Variants in PRKCA observed in about 807,000 individuals in gnomAD.
The protein encoded by PRKCA is protein kinase C alpha.
Under a neutral mutation model 87.0 loss-of-function variants are expected in PRKCA, and 27 were observed. The observed-to-expected ratio is 0.31, with a 90% CI of 0.23 to 0.43. The LOEUF (loss-of-function observed/expected upper bound fraction) is 0.43. Among genes scored for constraint, PRKCA ranks in the 20% least tolerant of loss-of-function variants. The pLI is 1.00. For missense variants in PRKCA, 518 were observed against 852.3 expected (o/e 0.61, Z 4.88); for synonymous variants, 329 against 311.1 (o/e 1.06, Z -0.61).
At chr17:66,426,766 C>T (rs1448933838) in intron 2 of PRKCA, among the ~76,000 whole-genome samples, 1 of 152,080 alleles carries the variant, frequency 6.6e-6, no homozygotes, top group African/African-American at 2.4e-5. Context: ...GTTTCTTTAC[C>T]CTAAAAAGGG....
chr17:66,408,869 C>G (rs960552229), intron 2 of PRKCA, among the ~76,000 whole-genome samples: 1 of 151,578 alleles, frequency 6.6e-6, no homozygotes, highest in South Asian at 2.1e-4. Flanking sequence ...CTGGCCAACA[C>G]GATGAAACCC....
intron 2 of PRKCA, among the ~76,000 whole-genome samples, chr17:66,402,698 T>C (rs10512511): frequency 0.016 from 2,486 of 152,248 alleles, 72 homozygotes; most frequent in African/African-American, 0.056. Context: ...TCATAACCTG[T>C]GTAGATGTCA....
chr17:66,587,865 ATGTATGTG>A (rs1450577783), intron 3 of PRKCA, among the ~76,000 whole-genome samples: 2 of 56,516 alleles, frequency 3.5e-5, no homozygotes, highest in Non-Finnish European at 7.8e-5. Flanking sequence ...ATATATACAT[ATGTATGTG>A]TGTGTGTGTG....
chr17:66,371,851 C>A (rs1221021675), intron 2 of PRKCA, among the ~76,000 whole-genome samples: 6 of 152,188 alleles, frequency 3.9e-5, no homozygotes, highest in Admixed American at 3.9e-4. Flanking sequence ...TCTTTGGGCA[C>A]AAGGCAAGTC....
At chr17:66,621,067 C>T (rs1970666513) in intron 3 of PRKCA, among the ~76,000 whole-genome samples, 1 of 152,208 alleles carries the variant, frequency 6.6e-6, no homozygotes, top group African/African-American at 2.4e-5. Context: ...CTAATAGTCT[C>T]CCTAAAGAGG....
intron 2 of PRKCA, among the ~76,000 whole-genome samples, chr17:66,313,401 T>A (rs915493703): frequency 6.6e-6 from 1 of 152,262 alleles, no homozygotes; most frequent in African/African-American, 2.4e-5. Flanking sequence ...AAATTCTACC[T>A]TTATGTATAT....
rs200067161 is a variant in PRKCA at position 66,624,822 on chromosome 17, ATAAAAAG to A, written c.289-16532_289-16526del. On this transcript the variant is annotated intron_variant, in intron 3 of 16. Transcript: ENST00000413366. Reference sequence around the variant, plus strand: ...AATAAATAAATAAATAAATAAATAAATAAAAAGAATTATTTGCAAATAATTGCATCAT... The same window carrying A: ...AATAAATAAATAAATAAATAAATAAAAATTATTTGCAAATAATTGCATCAT... 4.9e-4 allele frequency among the ~76,000 whole-genome samples: 75 copies of A among 151,870 alleles called. No individual in the cohort carries two copies. The East Asian group carries it at 0.014, about 28-fold the overall frequency.
chr17:66,489,628 A>G (rs1916146574), intron 2 of PRKCA, among the ~76,000 whole-genome samples: 1 of 151,752 alleles, frequency 6.6e-6, no homozygotes, highest in Non-Finnish European at 1.5e-5. Flanking sequence ...TTTGCTCTCA[A>G]ATCTGAATTT....
At chr17:66,494,661 G>T (rs1916388397) in intron 2 of PRKCA, among the ~76,000 whole-genome samples, 1 of 152,182 alleles carries the variant, frequency 6.6e-6, no homozygotes, top group Non-Finnish European at 1.5e-5. Context: ...TAGTATTCCT[G>T]AGGGTATACT....
chr17:66,584,825 C>T (rs1031122479), intron 3 of PRKCA, among the ~76,000 whole-genome samples: 2 of 152,236 alleles, frequency 1.3e-5, no homozygotes, highest in South Asian at 2.1e-4. Context: ...GATCTTATCT[C>T]GAGGTCTTTA....
At chr17:66,551,101 C>A (rs1968312353) in intron 3 of PRKCA, among the ~76,000 whole-genome samples, 1 of 152,182 alleles carries the variant, frequency 6.6e-6, no homozygotes, top group Non-Finnish European at 1.5e-5. Flanking sequence ...CTCACTCTGT[C>A]ACCCAGGCTG....
chr17:66,751,216 C>T (rs4791042), intron 13 of PRKCA, among the ~76,000 whole-genome samples: 76,919 of 152,108 alleles, frequency 0.51, 20,313 homozygotes, highest in African/African-American at 0.66. Flanking sequence ...CTATGCGCCA[C>T]GCACTTAACG....
intron 2 of PRKCA, among the ~76,000 whole-genome samples, chr17:66,444,819 A>G (rs1425243642): frequency 1.3e-5 from 2 of 152,178 alleles, no homozygotes; most frequent in African/African-American, 4.8e-5. Flanking sequence ...TGGTGGAGAC[A>G]ATAAAGCTTC....
chr17:66,546,253 G>A (rs557768516), intron 3 of PRKCA, among the ~76,000 whole-genome samples: 10 of 152,088 alleles, frequency 6.6e-5, no homozygotes, highest in South Asian at 2.1e-4. Flanking sequence ...TTTTCCTTCT[G>A]TTGGGATGAG....
intron 3 of PRKCA, among the ~76,000 whole-genome samples, chr17:66,534,171 GT>G (rs1967678811): frequency 6.6e-6 from 1 of 151,442 alleles, no homozygotes; most frequent in Non-Finnish European, 1.5e-5. Flanking sequence ...TTGGAGCCAA[GT>G]TTTTGTATTT....
At chr17:66,606,914 A>G (rs1246052041) in intron 3 of PRKCA, among the ~76,000 whole-genome samples, 1 of 152,202 alleles carries the variant, frequency 6.6e-6, no homozygotes, top group Admixed American at 6.5e-5. Context: ...TTAAAGTTAT[A>G]TGTACTGTAA....
intron 3 of PRKCA, among the ~76,000 whole-genome samples, chr17:66,603,370 C>T (rs1970113130): frequency 6.6e-6 from 1 of 152,080 alleles, no homozygotes; most frequent in Non-Finnish European, 1.5e-5. Flanking sequence ...CGACAGTTGG[C>T]CTTAAAAATA....
At chr17:66,423,083 C>G (rs1912580888) in intron 2 of PRKCA, among the ~76,000 whole-genome samples, 1 of 151,890 alleles carries the variant, frequency 6.6e-6, no homozygotes, top group Non-Finnish European at 1.5e-5. Flanking sequence ...TGCACTCCAG[C>G]CTGGGTGATA....
chr17:66,582,093 A>G (rs1598790512), intron 3 of PRKCA, among the ~76,000 whole-genome samples: 1 of 151,516 alleles, frequency 6.6e-6, no homozygotes, highest in Non-Finnish European at 1.5e-5. Context: ...TTTGAATATC[A>G]CTCTTTGTCA....
Sources: gnomAD v4.1 joint callset for allele counts (sites outside exome capture counted in the v4.1 genomes callset) on GRCh38, gnomAD v4.1.1 for gene constraint, MANE v1.5 for transcripts, NCBI Gene and HGNC (gene_info 2026-07-23, HGNC 2026-07-21) for gene names.